PCBP3: variants seen among roughly 807,000 people sequenced by gnomAD.
The protein encoded by PCBP3 is poly(rC) binding protein 3.
In PCBP3, 25 loss-of-function variants were observed where a neutral mutation model predicts 52.7. The observed-to-expected ratio is 0.47, with a 90% CI of 0.35 to 0.66. The LOEUF (loss-of-function observed/expected upper bound fraction) is 0.66. Among genes scored for constraint, PCBP3 ranks in the 30% least tolerant of loss-of-function variants. PCBP3 has a pLI of 0.01. For missense variants in PCBP3, 391 were observed against 490.3 expected (o/e 0.80, Z 1.91); for synonymous variants, 162 against 183.0 (o/e 0.89, Z 0.93).
chr21:45,667,968 A>G lies in PCBP3; in HGVS notation c.-278-906A>G, dbSNP rs181726420. Reference sequence around the variant, plus strand: ...TTGAATAGTTTAGTGGTCAGCTAATAATTGGACAGACGTTTCCTTAAATGC... The same window carrying G: ...TTGAATAGTTTAGTGGTCAGCTAATGATTGGACAGACGTTTCCTTAAATGC... On this transcript the variant is annotated intron_variant, in intron 1 of 17. Coordinates refer to ENST00000681687, the MANE Select transcript of PCBP3 (RefSeq NM_001384156.1). Among the ~76,000 whole-genome samples, 10 of 152,290 alleles carry G rather than the reference A, an allele frequency of 6.6e-5. No homozygotes were observed. The East Asian group carries it at 1.9e-3, about 29-fold the overall frequency.
chr21:45,730,681 GT>G (rs2148456657), intron 2 of PCBP3, among the ~76,000 whole-genome samples: 1 of 152,158 alleles, frequency 6.6e-6, no homozygotes. Context: ...TTGGTGGGGG[GT>G]TGCTTTATAT....
intron 1 of PCBP3, among the ~76,000 whole-genome samples, chr21:45,658,119 G>A (rs897424439): frequency 1.4e-4 from 21 of 152,224 alleles, no homozygotes; most frequent in African/African-American, 4.3e-4. Flanking sequence ...TCATGAAAGC[G>A]TGTTGAATGT....
chr21:45,940,202 G>A lies in PCBP3; in HGVS notation c.1079+3G>A. On this transcript the variant is annotated splice_donor_region_variant and intron_variant, in intron 17 of 17. Transcript: ENST00000681687. ...GCCCAGTATCTCATCAACGCCAGGT[G>A]AGCATCTCCCAAGGGTCTCTGAGAG... The A allele has an allele frequency of 1.2e-6, 2 of 1,610,800 alleles. No individual in the cohort carries two copies. Among genetic ancestry groups the A allele is most frequent in the Middle Eastern group, 1.8e-4 (1 of 5,708 alleles).
At chr21:45,652,860 T>G (rs2146873481) in intron 1 of PCBP3, among the ~76,000 whole-genome samples, 2 of 152,344 alleles carry the variant, frequency 1.3e-5, no homozygotes, top group Admixed American at 1.3e-4. Flanking sequence ...CTTAATTTAT[T>G]AATTTGCAGC....
intron 2 of PCBP3, among the ~76,000 whole-genome samples, chr21:45,689,754 T>G (rs747880883): frequency 6.6e-6 from 1 of 152,002 alleles, no homozygotes; most frequent in African/African-American, 2.4e-5. Flanking sequence ...ATGAAAAAAA[T>G]TATAAACTGC....
chr21:45,851,335 A>C (rs1698729708), intron 5 of PCBP3, among the ~76,000 whole-genome samples: 1 of 152,240 alleles, frequency 6.6e-6, no homozygotes, highest in South Asian at 2.1e-4. Context: ...CAACATGGTG[A>C]AACCCTGTCT....
intron 2 of PCBP3, among the ~76,000 whole-genome samples, chr21:45,717,538 C>T (rs531475411): frequency 1.3e-5 from 2 of 152,150 alleles, no homozygotes; most frequent in African/African-American, 4.8e-5. Context: ...GTGTTTTTAT[C>T]ATTAGATATA....
At chr21:45,779,536 G>T (rs1042622639) in intron 4 of PCBP3, among the ~76,000 whole-genome samples, 1 of 151,946 alleles carries the variant, frequency 6.6e-6, no homozygotes, top group Non-Finnish European at 1.5e-5. Context: ...CATTCTTTTG[G>T]TTCTTCAAAG....
intron 4 of PCBP3, among the ~76,000 whole-genome samples, chr21:45,784,030 AAGGTTAAAACATTGG>A (rs1256766184): frequency 6.6e-6 from 1 of 152,224 alleles, no homozygotes; most frequent in East Asian, 1.9e-4. Flanking sequence ...CAGTTTGTCA[AAGGTTAAAACATTGG>A]AGAGTGAATA....
rs189760661 is a variant in PCBP3, at chr21:45,817,179, G to C, written c.-125-32782G>C. On this transcript the variant is annotated intron_variant, in intron 4 of 17. Transcript: ENST00000681687. The surrounding 1 kb of genome is among the most constrained non-coding windows in gnomAD (Gnocchi z 4.3). The stretch of plus-strand genomic sequence containing the variant: ...TTACCGAAACTTCATGTCATGGCTC[G>C]GTCGAACTTTGTCAAGGAAAGTCTT... 2.2e-3 allele frequency among the ~76,000 whole-genome samples: 334 copies of C among 152,194 alleles called. 2 individuals carry two copies. The highest frequency in any genetic ancestry group is 7.5e-3 in the African/African-American group (312 of 41,516).
At chr21:45,738,122 C>A (rs1321777645) in intron 3 of PCBP3, among the ~76,000 whole-genome samples, 1 of 152,124 alleles carries the variant, frequency 6.6e-6, no homozygotes, top group African/African-American at 2.4e-5. Flanking sequence ...CACTCCTAGC[C>A]CCATGTAGGG....
chr21:45,675,798 G>GGT (rs1201406579), intron 2 of PCBP3, among the ~76,000 whole-genome samples: 1 of 152,068 alleles, frequency 6.6e-6, no homozygotes, highest in Non-Finnish European at 1.5e-5. Context: ...TTGCACTGAT[G>GGT]GTGTAAAAGC....
In PCBP3 at chr21:45,737,588, C is replaced by T. The variant is rs1399964406; in HGVS notation, c.-162+2159C>T. ...GAGCCCGACCATGCAAGCCATGCCC[C>T]GGCAGCCAGGCTGAGAGGCAGAGCA... is the stretch of plus-strand genomic sequence containing the variant. On this transcript the variant is annotated intron_variant, in intron 3 of 17. Coordinates refer to ENST00000681687, the MANE Select transcript of PCBP3 (RefSeq NM_001384156.1). This position sits in a 1 kb window ranked among gnomAD's most constrained non-coding sequence, Gnocchi z 4.9. Among the ~76,000 whole-genome samples, 9 of 152,204 alleles carry T rather than the reference C, an allele frequency of 5.9e-5. No homozygotes were observed. The highest frequency in any genetic ancestry group is 9.6e-5 in the African/African-American group (4 of 41,458).
chr21:45,941,592 A>C, intron 17 of PCBP3, 78 bp from the exon 18 acceptor site: 2 of 1,348,736 alleles, frequency 1.5e-6, no homozygotes, highest in South Asian at 2.7e-5. Flanking sequence ...GAGGCCACAC[A>C]GCCCGGCCTC....
chr21:45,819,463 C>T (rs992977997), intron 4 of PCBP3, among the ~76,000 whole-genome samples: 2 of 152,216 alleles, frequency 1.3e-5, no homozygotes, highest in Non-Finnish European at 2.9e-5. Flanking sequence ...GCATGTTCAT[C>T]AAGTAAGCGG....
At chr21:45,658,181 T>C (rs2080145632) in intron 1 of PCBP3, among the ~76,000 whole-genome samples, 1 of 152,216 alleles carries the variant, frequency 6.6e-6, no homozygotes, top group Non-Finnish European at 1.5e-5. Context: ...TTTATTATAT[T>C]AATGTCATGT....
At chr21:45,765,418 G>A (rs2089213358) in intron 4 of PCBP3, among the ~76,000 whole-genome samples, 1 of 152,234 alleles carries the variant, frequency 6.6e-6, no homozygotes. Flanking sequence ...GAAACAACAA[G>A]TTAAATAGGA....
intron 6 of PCBP3, among the ~76,000 whole-genome samples, chr21:45,897,428 C>T (rs765237212): frequency 2.0e-5 from 3 of 152,206 alleles, no homozygotes; most frequent in Non-Finnish European, 2.9e-5. Context: ...TTGGCAGGAA[C>T]GTGGCAGCAG....
At chr21:45,873,912 C>T (rs956195209) in intron 5 of PCBP3, among the ~76,000 whole-genome samples, 10 of 152,250 alleles carry the variant, frequency 6.6e-5, no homozygotes, top group African/African-American at 1.9e-4. Context: ...TACAAGCGTG[C>T]GCCATCGTGC....
Sources: gnomAD v4.1 joint callset for allele counts (sites outside exome capture counted in the v4.1 genomes callset) on GRCh38, gnomAD v4.1.1 for gene constraint, Gnocchi (gnomAD v3.1) non-coding constraint, MANE v1.5 for transcripts, NCBI Gene and HGNC (gene_info 2026-07-23, HGNC 2026-07-21) for gene names.